Variants in ZNF671 observed in about 807,000 individuals in gnomAD.
ZNF671 encodes hypothetical protein FLJ23506.
Under a neutral mutation model 16.6 loss-of-function variants are expected in ZNF671, and 19 were observed. The ratio of observed to expected loss-of-function variants is 1.14; its 90% CI spans 0.80 to 1.68. ZNF671 has a LOEUF of 1.68. Among genes scored for constraint, ZNF671 ranks in the 40% most tolerant of loss-of-function variants. ZNF671 has a pLI of 0.00. For missense variants in ZNF671, 637 were observed against 659.8 expected, an observed-to-expected ratio of 0.97 and a Z score of 0.38; for synonymous variants, 238 against 236.3, an observed-to-expected ratio of 1.01 and a Z score of -0.06.
In ZNF671 at chr19:57,720,175, ACT is replaced by A. The variant is rs1985798655; in HGVS notation, c.*304_*305del. The A allele has an allele frequency of 2.7e-6, 1 of 375,654 alleles. No homozygotes were observed. Among genetic ancestry groups the A allele is most frequent in the Non-Finnish European group, 4.9e-6 (1 of 204,842 alleles). The allele number at this position is 375,654 out of a possible 1,614,324, so 23.3% of individuals were successfully genotyped here. A position where few individuals can be genotyped will look rare whatever the true frequency, so the allele number is the denominator to read the frequency against. On this transcript the variant is annotated 3_prime_UTR_variant, in exon 4 of 4. Transcript: ENST00000317398. ...GCTGAAAGCATCTCACATACTTGACACTCACAGGGAATCTCCCCAGTGGGAAT... is the reference window on the plus strand; with the variant it reads ...GCTGAAAGCATCTCACATACTTGACACACAGGGAATCTCCCCAGTGGGAAT...
At chr19:57,727,276 A>C in intron 1 of ZNF671, 115 bp downstream of exon 1, 2 of 1,412,696 alleles carry the variant, frequency 1.4e-6, no homozygotes, top group Non-Finnish European at 1.9e-6. Flanking sequence ...ACCCACACCG[A>C]GATAGGACCC....
chr19:57,726,366 G>A (rs774043633), intron 1 of ZNF671, among the ~76,000 whole-genome samples: 5 of 151,494 alleles, frequency 3.3e-5, no homozygotes, highest in African/African-American at 9.7e-5. Flanking sequence ...ACAAAATGAG[G>A]GTGAGATAAT....
At chr19:57,723,362 G>A (rs1985940978) in intron 1 of ZNF671, 22 bp from the exon 2 acceptor site, 2 of 1,585,460 alleles carry the variant, frequency 1.3e-6, no homozygotes, top group African/African-American at 1.4e-5. Flanking sequence ...GGGACAGGAA[G>A]GACCATAAAA....
Position 57,721,313 on chromosome 19 carries a change from T to G in ZNF671, c.773A>C (p.Gln258Pro). The G allele has an allele frequency of 6.2e-7, 1 of 1,600,946 alleles. No individual in the cohort carries two copies. The highest frequency in any genetic ancestry group is 1.1e-5 in the South Asian group (1 of 89,420). Residue 258 changes from glutamine (Q) to proline (P), a missense_variant, in exon 4 of 4, where the codon CAG (glutamine) becomes CCG (proline). Coordinates refer to ENST00000317398, the MANE Select transcript of ZNF671 (RefSeq NM_024833.3). ...RDFSATSGLL[Q>P]HQASLSSMKP... ...CATGCTGCTGAGAGAGGCCTGATGC[T>G]GAAGAAGGCCAGATGTGGCTGAAAA...
Position 57,720,709 on chromosome 19 carries a change from A to G in ZNF671, c.1377T>C (p.Ala459=). Reference sequence around the variant, plus strand: ...GAATGAGTTTGGAGATGCAGCTGAAAGCTTTACCACATCTGCTACACTCAT... The same window carrying G: ...GAATGAGTTTGGAGATGCAGCTGAAGGCTTTACCACATCTGCTACACTCAT... ...SDYECSRCGK[A]FSCISKLIQH... is the part of the protein sequence containing the mutation. The change falls in exon 4 of 4, where the codon GCT becomes GCC. Residue 459 remains alanine, a synonymous_variant. Coordinates refer to ENST00000317398, the MANE Select transcript of ZNF671 (RefSeq NM_024833.3). 1 of 1,614,124 alleles carries G rather than the reference A, an allele frequency of 6.2e-7. No homozygotes were observed. Among genetic ancestry groups the G allele is most frequent in the Non-Finnish European group, 8.5e-7 (1 of 1,180,024 alleles).
chr19:57,720,811 AT>A lies in ZNF671; in HGVS notation c.1274del (p.Tyr425LeufsTer133), dbSNP rs1399393221. On this transcript the variant is annotated frameshift_variant, in exon 4 of 4. Coordinates refer to ENST00000317398, the MANE Select transcript of ZNF671 (RefSeq NM_024833.3). LOFTEE classifies it low-confidence loss of function (END_TRUNC). ...AGGCCTTCCCACATTCACTGCACTC[AT>A]AAGGCCTTTCTCCAGTGTGAGTTCG... ...HQRTHTGERP[Y>X]ECSECGKAFS... The A allele has an allele frequency of 6.2e-7, 1 of 1,614,056 alleles. No homozygotes were observed. Among genetic ancestry groups the A allele is most frequent in the Non-Finnish European group, 8.5e-7 (1 of 1,180,034 alleles).
intron 3 of ZNF671, chr19:57,721,935 G>A (rs1985890681): frequency 3.3e-6 from 2 of 609,374 alleles, no homozygotes; most frequent in East Asian, 2.8e-5. Context: ...ATGGCTTCCA[G>A]TAGGGCCTTG....
At position 57,721,010 on chromosome 19, in the gene ZNF671, T is replaced by C. The variant is rs1255213692; in HGVS notation, c.1076A>G (p.His359Arg). The change falls in exon 4 of 4, where the codon CAC becomes CGC. Residue 359 changes from histidine (H) to arginine (R), a missense_variant. Physicochemically the swap from His to Arg is conservative, Grantham distance 29. Coordinates refer to ENST00000317398, the MANE Select transcript of ZNF671 (RefSeq NM_024833.3). ...FFRQISGLIE[H>R]RRVHTGERLY... ...TCTTTCACCCGTGTGAACTCGCCTG[T>C]GCTCAATCAGGCCGGAGATTTGTCT... The C allele has an allele frequency of 1.2e-6, 2 of 1,614,234 alleles. No individual in the cohort carries two copies. The highest frequency in any genetic ancestry group is 1.7e-5 in the Admixed American group (1 of 60,024).
At chr19:57,721,735 C>T (rs750299045) in intron 3 of ZNF671, 38 bp from the exon 4 acceptor site, 38 of 1,586,626 alleles carry the variant, frequency 2.4e-5, no homozygotes, top group Middle Eastern at 1.7e-4. Context: ...TGCATATTTA[C>T]GGGTGGGAAG....
At chr19:57,725,543 C>T (rs9749042) in intron 1 of ZNF671, among the ~76,000 whole-genome samples, 4,678 of 151,662 alleles carry the variant, frequency 0.031, 232 homozygotes, top group African/African-American at 0.11. Flanking sequence ...GGTAGGAGAA[C>T]TGCTTGAACC....
Position 57,727,586 on chromosome 19 carries a change from C to G in ZNF671, c.-58G>C, listed in dbSNP as rs989397325. ...GGCCCACACAAGCGTTACAGAACCC[C>G]GGCCAGGGACAGCCTGACAGAAACA... On this transcript the variant is annotated 5_prime_UTR_variant, in exon 1 of 4. Transcript: ENST00000317398. 5 of 1,552,520 alleles carry G rather than the reference C, an allele frequency of 3.2e-6. No homozygotes were observed. In the African/African-American group the frequency reaches 5.5e-5, roughly 17 times the overall value.
Position 57,721,683 on chromosome 19 carries a change from C to T in ZNF671, c.403G>A (p.Val135Met). The stretch of plus-strand genomic sequence containing the variant: ...TCAGAAGATACCTCTTCATCCTCCA[C>T]TCCATGCCAACAACCTGAAGAACAC... ...RGLRPGCWHG[V>M]EDEEVSSEQS... Residue 135 changes from valine to methionine, a missense_variant, in exon 4 of 4, where the codon GTG becomes ATG. Transcript: ENST00000317398. 1 of 1,612,224 alleles carries T rather than the reference C, an allele frequency of 6.2e-7. No individual in the cohort carries two copies. The highest frequency in any genetic ancestry group is 1.1e-5 in the South Asian group (1 of 91,038).
Position 57,719,812 on chromosome 19 carries a change from T to G in ZNF671, c.*669A>C, listed in dbSNP as rs1241250871. The G allele has an allele frequency of 2.0e-5, 3 of 152,582 alleles. No individual in the cohort carries two copies. Among genetic ancestry groups the G allele is most frequent in the Non-Finnish European group, 4.4e-5 (3 of 68,342 alleles). 9.5% of individuals were successfully genotyped at this position (152,582 alleles called of 1,614,324 possible). A position where few individuals can be genotyped will look rare whatever the true frequency, so the allele number is the denominator to read the frequency against. ...AATGTGAAGCAGGCAGTTCCAGAGC[T>G]GGGTGACTTGGATATTGGATATATC... On this transcript the variant is annotated 3_prime_UTR_variant, in exon 4 of 4. Transcript: ENST00000317398.
Position 57,720,397 on chromosome 19 carries a change from G to T in ZNF671, c.*84C>A. On this transcript the variant is annotated 3_prime_UTR_variant, in exon 4 of 4. Transcript: ENST00000317398. ...AGGGGAAGGCTTTCCTGCATCTGCT[G>T]CACTCATTAACTACTGCTAGTTCCC... The T allele has an allele frequency of 6.6e-7, 1 of 1,521,980 alleles. No homozygotes were observed. The allele number at this position is 1,521,980 out of a possible 1,614,324, so 94.3% of individuals were successfully genotyped here.
In ZNF671 at chr19:57,720,866, C is replaced by CACACAG; in HGVS notation, c.1219_1220insCTGTGT (p.Ser407delinsThrValCys). On this transcript the variant is annotated protein_altering_variant, in exon 4 of 4. Transcript: ENST00000317398. ...GTGCAGAACAAGTGTGTGTTTCCGA[C>CACACAG]TGAACTCTTTCCCACATTCGCTGCA... 1 of 1,614,080 alleles carries CACACAG rather than the reference C, an allele frequency of 6.2e-7. No individual in the cohort carries two copies. Among genetic ancestry groups the CACACAG allele is most frequent in the Non-Finnish European group, 8.5e-7 (1 of 1,180,020 alleles).
chr19:57,721,971 G>GA, intron 3 of ZNF671: 1 of 564,708 alleles, frequency 1.8e-6, no homozygotes, highest in Non-Finnish European at 3.1e-6. Context: ...TGAGTGCTAT[G>GA]AAAAATGTAT....
At chr19:57,724,741 G>A (rs1985989949) in intron 1 of ZNF671, among the ~76,000 whole-genome samples, 1 of 152,072 alleles carries the variant, frequency 6.6e-6, no homozygotes, top group African/African-American at 2.4e-5. Flanking sequence ...TAGCCAGGAT[G>A]GTCTTGATCT....
intron 2 of ZNF671, 132 bp downstream of exon 2, chr19:57,723,082 G>A (rs1985930945): frequency 1.6e-6 from 2 of 1,255,398 alleles, no homozygotes; most frequent in Non-Finnish European, 2.2e-6. Flanking sequence ...CAGCAAGTAG[G>A]GAGGACACTC....
intron 1 of ZNF671, among the ~76,000 whole-genome samples, chr19:57,726,113 T>TCCCCA (rs1257379881): frequency 8.1e-5 from 1 of 12,362 alleles, no homozygotes; most frequent in Non-Finnish European, 1.6e-4. Context: ...CCCTCCCACC[T>TCCCCA]CCCCACCCCA....
Sources: allele counts gnomAD v4.1 joint callset (sites outside exome capture counted in the v4.1 genomes callset), GRCh38; gene constraint gnomAD v4.1.1; transcripts MANE v1.5; gene names NCBI Gene and HGNC (gene_info 2026-07-23, HGNC 2026-07-21).